Variants in ZRANB1 observed in about 807,000 individuals in gnomAD.
ZRANB1 encodes zinc finger RANBP2-type containing 1.
A neutral mutation model predicts 80.5 loss-of-function variants in ZRANB1; 16 were observed. The ratio of observed to expected loss-of-function variants is 0.20; its 90% CI spans 0.13 to 0.30. The LOEUF (loss-of-function observed/expected upper bound fraction) is 0.30. Ranked by LOEUF, ZRANB1 falls within the 10% of genes least tolerant of loss-of-function variation. The probability of loss-of-function intolerance (pLI) is 1.00; values close to 1 mark genes in which losing one functional copy is unlikely to be tolerated. For synonymous variants in ZRANB1, 291 were observed against 293.1 expected (o/e 0.99, Z 0.07); for missense variants, 576 against 862.6 (o/e 0.67, Z 4.16).
chr10:124,931,421 A>G, the ZRANB1 span, among the ~76,000 whole-genome samples: 1 of 152,226 alleles, frequency 6.6e-6, no homozygotes, highest in African/African-American at 2.4e-5. Flanking sequence ...CCCAGGCTGG[A>G]GTGCAGTAGT....
chr10:124,917,082 AGGGCGGAGGCGGCAGCAGCGGGGC>A, the ZRANB1 span: 2 of 152,586 alleles, frequency 1.3e-5, no homozygotes, highest in African/African-American at 4.9e-5. Flanking sequence ...CTGAGGGGAG[AGGGCGGAGGCGGCAGCAGCGGGGC>A]GGGCGGCGGC....
At chr10:124,923,646 A>G in the ZRANB1 span, among the ~76,000 whole-genome samples, 1 of 151,944 alleles carries the variant, frequency 6.6e-6, no homozygotes, top group African/African-American at 2.4e-5. Flanking sequence ...ACAGTTTCTC[A>G]TGACTGGGGA....
chr10:124,978,949 A>AGCG (rs142006595), intron 5 of ZRANB1, among the ~76,000 whole-genome samples: 2 of 150,560 alleles, frequency 1.3e-5, no homozygotes, highest in African/African-American at 4.9e-5. Flanking sequence ...CAATAATTCC[A>AGCG]GCGCCTTGGG....
the ZRANB1 span, among the ~76,000 whole-genome samples, chr10:124,925,054 C>T: frequency 2.6e-5 from 4 of 151,928 alleles, no homozygotes; most frequent in Non-Finnish European, 5.9e-5. Flanking sequence ...ACTACAGGCA[C>T]GCACCACCAT....
At chr10:124,928,034 G>GA in the ZRANB1 span, among the ~76,000 whole-genome samples, 24 of 152,040 alleles carry the variant, frequency 1.6e-4, no homozygotes, top group African/African-American at 5.8e-4. Context: ...AAGACTGTCT[G>GA]AAAAAAAGAA....
intron 2 of ZRANB1, among the ~76,000 whole-genome samples, chr10:124,969,719 A>G (rs919005140): frequency 2.0e-5 from 3 of 152,238 alleles, no homozygotes; most frequent in Admixed American, 1.3e-4. Context: ...ACATTTTAAT[A>G]TAGGTAAAAA....
rs550787826 is a variant in ZRANB1 at position 124,982,844 on chromosome 10, C to T, written c.1549-331C>T. On this transcript the variant is annotated intron_variant, in intron 6 of 8. Transcript: ENST00000359653. ...AGGTAGTGCTTTCACAGTAACTTAA[C>T]GAGAATGTGATAATAAAGCATCCTT... Among the ~76,000 whole-genome samples, 28 of 152,298 alleles carry T rather than the reference C, an allele frequency of 1.8e-4. 1 individual carries two copies. In the South Asian group the frequency reaches 5.2e-3, roughly 28 times the overall value.
chr10:124,962,831 T>C (rs1355464033), intron 1 of ZRANB1, among the ~76,000 whole-genome samples: 1 of 152,246 alleles, frequency 6.6e-6, no homozygotes, highest in African/African-American at 2.4e-5. Context: ...CAATTTTGAA[T>C]GTATGGTGAT....
the ZRANB1 span, among the ~76,000 whole-genome samples, chr10:124,928,638 T>C: frequency 3.2e-4 from 49 of 152,362 alleles, 2 homozygotes; most frequent in East Asian, 8.7e-3. Context: ...ACATAATCTG[T>C]TCATTGTTAA....
At chr10:124,982,989 T>G (rs976505044) in intron 6 of ZRANB1, among the ~76,000 whole-genome samples, 186 bp from the exon 7 acceptor site, 7 of 152,248 alleles carry the variant, frequency 4.6e-5, no homozygotes, top group Non-Finnish European at 1.0e-4. Context: ...GCATGTAGCC[T>G]TTATAGATTT....
chr10:124,966,827 C>G, intron 2 of ZRANB1, 46 bp downstream of exon 2: 1 of 1,502,448 alleles, frequency 6.7e-7, no homozygotes, highest in Non-Finnish European at 9.1e-7. Context: ...TTAAAGAAAC[C>G]TGTTCTTTAG....
intron 1 of ZRANB1, among the ~76,000 whole-genome samples, chr10:124,955,870 A>G (rs1027849063): frequency 2.6e-5 from 4 of 152,152 alleles, no homozygotes; most frequent in Non-Finnish European, 5.9e-5. Flanking sequence ...CCTTTCTACT[A>G]TTAAATGATG....
chr10:124,972,297 A>G (rs904261857), intron 3 of ZRANB1, among the ~76,000 whole-genome samples, 179 bp downstream of exon 3: 2 of 152,234 alleles, frequency 1.3e-5, no homozygotes, highest in African/African-American at 4.8e-5. Context: ...CTTGTTAGGA[A>G]ATGCGTCTGC....
the ZRANB1 span, among the ~76,000 whole-genome samples, chr10:124,928,002 A>G: frequency 6.6e-6 from 1 of 152,246 alleles, no homozygotes; most frequent in East Asian, 1.9e-4. Flanking sequence ...GCATCACTGC[A>G]CTACAGCCTG....
At chr10:124,932,992 C>T in the ZRANB1 span, among the ~76,000 whole-genome samples, 2 of 152,036 alleles carry the variant, frequency 1.3e-5, no homozygotes, top group African/African-American at 2.4e-5. Context: ...AAGAGTTCTT[C>T]GTGTATTTTG....
At position 124,973,617 on chromosome 10, in the gene ZRANB1, A is replaced by G. The variant is rs557153768; in HGVS notation, c.1157-28A>G. The G allele has an allele frequency of 2.3e-5, 37 of 1,588,514 alleles. No individual in the cohort carries two copies. The South Asian group carries it at 3.6e-4, about 16-fold the overall frequency. On this transcript the variant is annotated intron_variant, in intron 3 of 8. Coordinates refer to ENST00000359653, the MANE Select transcript of ZRANB1 (RefSeq NM_017580.3). ...TTAAGTGTAAGTTATGAAACAAAAGATCTTTTAAGTTTGCATTTTCTTTGT... is the reference window on the plus strand; with the variant it reads ...TTAAGTGTAAGTTATGAAACAAAAGGTCTTTTAAGTTTGCATTTTCTTTGT...
At chr10:124,966,243 C>T (rs544691541) in intron 1 of ZRANB1, among the ~76,000 whole-genome samples, 35 of 152,072 alleles carry the variant, frequency 2.3e-4, no homozygotes, top group East Asian at 1.5e-3. Flanking sequence ...TCAGGATGAA[C>T]GCAGGACCGG....
At chr10:124,984,705 A>G in intron 8 of ZRANB1, 69 bp from the exon 9 acceptor site, 2 of 1,500,730 alleles carry the variant, frequency 1.3e-6, no homozygotes, top group Non-Finnish European at 1.8e-6. Context: ...GTAGGTTTCC[A>G]TGTCACATTC....
chr10:124,973,609 A>C, intron 3 of ZRANB1, 36 bp from the exon 4 acceptor site: 1 of 1,573,296 alleles, frequency 6.4e-7, no homozygotes, highest in Non-Finnish European at 8.7e-7. Context: ...TAAGTTATGA[A>C]ACAAAAGATC....
Sources: allele counts gnomAD v4.1 joint callset (sites outside exome capture counted in the v4.1 genomes callset), GRCh38; gene constraint gnomAD v4.1.1; transcripts MANE v1.5; gene names NCBI Gene and HGNC (gene_info 2026-07-23, HGNC 2026-07-21).